Variants in TMEM168 observed in about 807,000 individuals in gnomAD.
The protein encoded by TMEM168 is transmembrane protein 168.
In TMEM168, 40 loss-of-function variants were observed where a neutral mutation model predicts 53.2. That is an observed-to-expected ratio of 0.75 (90% confidence interval 0.58 to 0.98). TMEM168 has a LOEUF of 0.98. Among genes scored for constraint, TMEM168 ranks in the 50% least tolerant of loss-of-function variants. TMEM168 has a pLI of 0.00. For missense variants in TMEM168, 771 were observed against 828.8 expected, an observed-to-expected ratio of 0.93 and a Z score of 0.86; for synonymous variants, 282 against 293.0, an observed-to-expected ratio of 0.96 and a Z score of 0.38.
In TMEM168 at chr7:112,764,159, TAAA is replaced by T. The variant is rs982311440; in HGVS notation, c.*3035_*3037del. 1.3e-5 allele frequency: 2 copies of T among 151,474 alleles called. No homozygotes were observed. Among genetic ancestry groups the T allele is most frequent in the African/African-American group, 4.8e-5 (2 of 41,342 alleles). The allele number at this position is 151,474 out of a possible 1,614,324, so 9.4% of individuals were successfully genotyped here. A position where few individuals can be genotyped will look rare whatever the true frequency, so the allele number is the denominator to read the frequency against. On this transcript the variant is annotated 3_prime_UTR_variant, in exon 5 of 5. Transcript: ENST00000312814. ...AAAATTAAAATAAATAAATAATGGT[TAAA>T]AAAAGAAAATAAATTCATACTGTTT... is the stretch of plus-strand genomic sequence containing the variant.
At chr7:112,790,004 A>C (rs1315490766) in intron 1 of TMEM168, among the ~76,000 whole-genome samples, 156 bp downstream of exon 1, 2 of 152,178 alleles carry the variant, frequency 1.3e-5, no homozygotes, top group Non-Finnish European at 2.9e-5. Flanking sequence ...CACACCCTCC[A>C]ATCTCCAACC....
At chr7:112,783,228 C>T (rs1284142422) in intron 2 of TMEM168, among the ~76,000 whole-genome samples, 1 of 152,266 alleles carries the variant, frequency 6.6e-6, no homozygotes, top group African/African-American at 2.4e-5. Context: ...TTATATAAAA[C>T]CTTCAGAGAA....
chr7:112,772,322 G>A (rs1221436764), intron 4 of TMEM168, among the ~76,000 whole-genome samples: 2 of 152,088 alleles, frequency 1.3e-5, no homozygotes, highest in African/African-American at 2.4e-5. Flanking sequence ...TGGCAAATTA[G>A]GACCAGAACC....
intron 1 of TMEM168, among the ~76,000 whole-genome samples, chr7:112,786,752 T>C (rs1407280330): frequency 1.3e-5 from 2 of 152,158 alleles, no homozygotes; most frequent in East Asian, 3.8e-4. Flanking sequence ...GGCTAAATGG[T>C]GCCACTCTAA....
chr7:112,786,101 C>G (rs1793373254), intron 1 of TMEM168, among the ~76,000 whole-genome samples: 1 of 152,102 alleles, frequency 6.6e-6, no homozygotes, highest in South Asian at 2.1e-4. Context: ...CCTCAAGAGG[C>G]TGAGACAGGA....
At position 112,771,930 on chromosome 7, in the gene TMEM168, T is replaced by C. The variant is rs925476710; in HGVS notation, c.1546+851A>G. Among the ~76,000 whole-genome samples the C allele has an allele frequency of 8.5e-5, 13 of 152,232 alleles. 2 individuals are homozygous for C. The South Asian group carries it at 2.1e-3, about 24-fold the overall frequency. On this transcript the variant is annotated intron_variant, in intron 4 of 4. Transcript: ENST00000312814. ...ATAAGAAAATTACCTTTTTTAATGA[T>C]TTATTCAATGATTTCATCTATCTAT... is the stretch of plus-strand genomic sequence containing the variant.
chr7:112,774,272 T>G (rs1793009783), intron 3 of TMEM168, among the ~76,000 whole-genome samples: 1 of 150,984 alleles, frequency 6.6e-6, no homozygotes, highest in African/African-American at 2.5e-5. Flanking sequence ...GGAATAAAAC[T>G]GCAATAAACA....
At chr7:112,787,810 G>C (rs900588096) in intron 1 of TMEM168, among the ~76,000 whole-genome samples, 1 of 127,868 alleles carries the variant, frequency 7.8e-6, no homozygotes, top group Non-Finnish European at 1.6e-5. Context: ...TCGGCTCACC[G>C]CAACCTCTGC....
In TMEM168 at chr7:112,784,658, C is replaced by G. The variant is rs1451009371; in HGVS notation, c.168G>C (p.Trp56Cys). Reference sequence around the variant, plus strand: ...AAATTAAGGAATTTGCTGTTTTTTCCCATCTTACGTATAGACCTAAGCATA... The same window carrying G: ...AAATTAAGGAATTTGCTGTTTTTTCGCATCTTACGTATAGACCTAAGCATA... Reference protein sequence around the residue: ...VAICLGLYVRWEKTANSLILV... With the variant: ...VAICLGLYVRCEKTANSLILV... The change falls in exon 2 of 5, where the codon TGG becomes TGC. Residue 56 changes from tryptophan to cysteine, a missense_variant. Trp to Cys is a radical substitution (Grantham distance 215). Transcript: ENST00000312814. 6 of 1,611,432 alleles carry G rather than the reference C, an allele frequency of 3.7e-6. No individual in the cohort carries two copies. Among genetic ancestry groups the G allele is most frequent in the Non-Finnish European group, 4.2e-6 (5 of 1,179,364 alleles).
chr7:112,784,841 G>C lies in TMEM168; in HGVS notation c.-16C>G. On this transcript the variant is annotated 5_prime_UTR_variant, in exon 2 of 5. Coordinates refer to ENST00000312814, the MANE Select transcript of TMEM168 (RefSeq NM_022484.6). The stretch of plus-strand genomic sequence containing the variant: ...ATTTACACATGTAACCAGCAATGTG[G>C]GCTTTTCCCTCACGTTACAAAAATT... 6.5e-7 allele frequency: 1 copy of C among 1,529,060 alleles called. No homozygotes were observed. Among genetic ancestry groups the C allele is most frequent in the Non-Finnish European group, 8.7e-7 (1 of 1,145,672 alleles). The allele number at this position is 1,529,060 out of a possible 1,614,324, so 94.7% of individuals were successfully genotyped here. A position where few individuals can be genotyped will look rare whatever the true frequency, so the allele number is the denominator to read the frequency against.
At chr7:112,787,683 G>A (rs962148046) in intron 1 of TMEM168, among the ~76,000 whole-genome samples, 28 of 146,140 alleles carry the variant, frequency 1.9e-4, no homozygotes, top group Admixed American at 3.5e-4. Flanking sequence ...CAAAGTTCTG[G>A]GATTACAGGC....
rs1379835742 is a variant in TMEM168 at position 112,765,129 on chromosome 7, T to C, written c.*2068A>G. On this transcript the variant is annotated 3_prime_UTR_variant, in exon 5 of 5. Transcript: ENST00000312814. The stretch of plus-strand genomic sequence containing the variant: ...CTGCACCCGGCCTAGTTATTGTTTT[T>C]AAAATGTTAGCTTTGTGATACCATC... The C allele has an allele frequency of 1.3e-5, 2 of 152,246 alleles. No individual in the cohort carries two copies. Among genetic ancestry groups the C allele is most frequent in the Non-Finnish European group, 2.9e-5 (2 of 68,048 alleles). The allele number at this position is 152,246 out of a possible 1,614,324, so 9.4% of individuals were successfully genotyped here.
intron 1 of TMEM168, among the ~76,000 whole-genome samples, chr7:112,789,607 ATT>A (rs1443022762): frequency 6.6e-6 from 1 of 152,080 alleles, no homozygotes; most frequent in Non-Finnish European, 1.5e-5. Flanking sequence ...TTCCAAACCA[ATT>A]CTCTCTCCAT....
rs1257769766 is a variant in TMEM168 at position 112,763,859 on chromosome 7, T to G, written c.*3338A>C. The G allele has an allele frequency of 1.3e-5, 2 of 152,136 alleles. No homozygotes were observed. Among genetic ancestry groups the G allele is most frequent in the African/African-American group, 4.8e-5 (2 of 41,446 alleles). 9.4% of individuals were successfully genotyped at this position (152,136 alleles called of 1,614,324 possible). A position where few individuals can be genotyped will look rare whatever the true frequency, so the allele number is the denominator to read the frequency against. On this transcript the variant is annotated 3_prime_UTR_variant, in exon 5 of 5. Coordinates refer to ENST00000312814, the MANE Select transcript of TMEM168 (RefSeq NM_022484.6). Reference sequence around the variant, plus strand: ...AGTGCATTTTAATTAAGACTTTAATTTTTTTAAAGCATAACTGGTCATAAG... The same window carrying G: ...AGTGCATTTTAATTAAGACTTTAATGTTTTTAAAGCATAACTGGTCATAAG...
At chr7:112,774,979 T>C (rs573993348) in intron 3 of TMEM168, among the ~76,000 whole-genome samples, 197 bp downstream of exon 3, 53 of 152,322 alleles carry the variant, frequency 3.5e-4, no homozygotes, top group Middle Eastern at 3.4e-3. Context: ...AAATATAAGC[T>C]TATCATATTT....
In TMEM168 at chr7:112,763,385, AGAT is replaced by A. The variant is rs1792702775; in HGVS notation, c.*3809_*3811del. On this transcript the variant is annotated 3_prime_UTR_variant, in exon 5 of 5. Coordinates refer to ENST00000312814, the MANE Select transcript of TMEM168 (RefSeq NM_022484.6). Reference sequence around the variant, plus strand: ...TATTCCAATTTCTCCTTAGGATTCTAGATTTATTCACTCAGTCCAAAATATTTA... The same window carrying A: ...TATTCCAATTTCTCCTTAGGATTCTATTATTCACTCAGTCCAAAATATTTA... 6.6e-6 allele frequency: 1 copy of A among 152,136 alleles called. No homozygotes were observed. Among genetic ancestry groups the A allele is most frequent in the South Asian group, 2.1e-4 (1 of 4,826 alleles). The allele number at this position is 152,136 out of a possible 1,614,324, so 9.4% of individuals were successfully genotyped here. A position where few individuals can be genotyped will look rare whatever the true frequency, so the allele number is the denominator to read the frequency against.
At chr7:112,777,464 T>C (rs1793115342) in intron 2 of TMEM168, among the ~76,000 whole-genome samples, 2 of 152,150 alleles carry the variant, frequency 1.3e-5, no homozygotes, top group South Asian at 4.1e-4. Context: ...TTCTTTCACA[T>C]ATTTCCTTTG....
In TMEM168 at chr7:112,790,276, G is replaced by A. The variant is rs1177590050; in HGVS notation, c.-245C>T. 2.0e-5 allele frequency: 3 copies of A among 152,574 alleles called. No individual in the cohort carries two copies. Among genetic ancestry groups the A allele is most frequent in the Middle Eastern group, 3.1e-3 (1 of 324 alleles). 9.5% of individuals were successfully genotyped at this position (152,574 alleles called of 1,614,324 possible). ...GCCTGCGACTGAGAACAGGGAGGCG[G>A]CACGCCTTGGGGAACGAGGGCCCGA... is the stretch of plus-strand genomic sequence containing the variant. On this transcript the variant is annotated 5_prime_UTR_variant, in exon 1 of 5. Coordinates refer to ENST00000312814, the MANE Select transcript of TMEM168 (RefSeq NM_022484.6).
Position 112,767,286 on chromosome 7 carries a change from A to G in TMEM168, c.2005T>C (p.Cys669Arg). Reference sequence around the variant, plus strand: ...TTTAATCTTTTCAAGCACCTAAAACAAGTTTTGCAGATCCAAAAAAGGTTC... The same window carrying G: ...TTTAATCTTTTCAAGCACCTAAAACGAGTTTTGCAGATCCAAAAAAGGTTC... The part of the protein sequence containing the change: ...GLNLFWICKT[C>R]FRCLKRLKMS... Residue 669 changes from cysteine to arginine, a missense_variant, in exon 5 of 5, where the codon TGT (cysteine) becomes CGT (arginine). Coordinates refer to ENST00000312814, the MANE Select transcript of TMEM168 (RefSeq NM_022484.6). The G allele has an allele frequency of 6.2e-7, 1 of 1,614,160 alleles. No homozygotes were observed. The highest frequency in any genetic ancestry group is 8.5e-7 in the Non-Finnish European group (1 of 1,180,010).
Sources: gnomAD v4.1 joint callset for allele counts (sites outside exome capture counted in the v4.1 genomes callset) on GRCh38, gnomAD v4.1.1 for gene constraint, MANE v1.5 for transcripts, NCBI Gene and HGNC (gene_info 2026-07-23, HGNC 2026-07-21) for gene names.